TEX10: variants seen among roughly 807,000 people sequenced by gnomAD.
TEX10 encodes the protein testis expressed 10, also known as testis-expressed protein 10.
TEX10 carries 24 observed loss-of-function variants against 104.4 expected under a neutral mutation model. That is an observed-to-expected ratio of 0.23 (90% confidence interval 0.17 to 0.32). TEX10 has a LOEUF of 0.32. Among genes scored for constraint, TEX10 ranks in the 10% least tolerant of loss-of-function variants. The probability of loss-of-function intolerance (pLI) is 1.00; values close to 1 mark genes in which losing one functional copy is unlikely to be tolerated. For synonymous variants in TEX10, 396 were observed against 393.4 expected, an observed-to-expected ratio of 1.01 and a Z score of -0.08; for missense variants, 921 against 1,083.9, an observed-to-expected ratio of 0.85 and a Z score of 2.11.
At chr9:100,315,229 C>G (rs1834386786) in intron 11 of TEX10, among the ~76,000 whole-genome samples, 1 of 152,066 alleles carries the variant, frequency 6.6e-6, no homozygotes, top group Admixed American at 6.6e-5. Context: ...AATGTATATT[C>G]TGCAGTTTGT....
chr9:100,307,168 G>A (rs1301696088), intron 13 of TEX10: 4 of 152,176 alleles, frequency 2.6e-5, no homozygotes, highest in Non-Finnish European at 4.4e-5. Context: ...AAATTTGAAT[G>A]CTGACAATAA....
chr9:100,328,824 G>A (rs367709452), intron 7 of TEX10, among the ~76,000 whole-genome samples: 1 of 152,138 alleles, frequency 6.6e-6, no homozygotes, highest in Non-Finnish European at 1.5e-5. Flanking sequence ...CTAATGGCTA[G>A]AGATTCAACC....
chr9:100,338,500 C>T (rs1209324491), intron 5 of TEX10, among the ~76,000 whole-genome samples: 2 of 152,194 alleles, frequency 1.3e-5, no homozygotes, highest in African/African-American at 4.8e-5. Context: ...CCCAGTTCTA[C>T]AAGTAGTATC....
intron 11 of TEX10, among the ~76,000 whole-genome samples, chr9:100,312,401 G>A (rs1339482726): frequency 6.6e-6 from 1 of 152,092 alleles, no homozygotes; most frequent in Non-Finnish European, 1.5e-5. Flanking sequence ...CAGAGAAGCT[G>A]ATCAAGTAAA....
chr9:100,336,410 A>AT (rs1835010603), intron 5 of TEX10, among the ~76,000 whole-genome samples: 1 of 152,148 alleles, frequency 6.6e-6, no homozygotes, highest in African/African-American at 2.4e-5. Context: ...GCCTCCTGTC[A>AT]TATCAGTAGT....
chr9:100,324,637 C>A (rs932233500), intron 9 of TEX10, among the ~76,000 whole-genome samples: 7 of 151,978 alleles, frequency 4.6e-5, no homozygotes, highest in Non-Finnish European at 1.0e-4. Context: ...AGCAAAAAAA[C>A]CCCAAGATTT....
chr9:100,351,150 T>C (rs753090092), intron 1 of TEX10, among the ~76,000 whole-genome samples: 48 of 151,944 alleles, frequency 3.2e-4, no homozygotes, highest in Non-Finnish European at 6.2e-4. Context: ...CTAAACCCAT[T>C]TTAACAATGT....
At chr9:100,320,745 G>A (rs1366319719) in intron 10 of TEX10, among the ~76,000 whole-genome samples, 1 of 152,198 alleles carries the variant, frequency 6.6e-6, no homozygotes, top group Admixed American at 6.5e-5. Flanking sequence ...AGTAAAAGCA[G>A]TAATATACTC....
At chr9:100,323,065 C>A (rs916925401) in intron 9 of TEX10, among the ~76,000 whole-genome samples, 6 of 152,064 alleles carry the variant, frequency 3.9e-5, no homozygotes, top group Non-Finnish European at 8.8e-5. Context: ...CAAAGAAGTA[C>A]AAAATAGTGG....
intron 13 of TEX10, among the ~76,000 whole-genome samples, chr9:100,308,072 C>A (rs892625361): frequency 3.3e-5 from 5 of 152,192 alleles, no homozygotes; most frequent in Admixed American, 1.3e-4. Flanking sequence ...ATTAAAAGCA[C>A]TAGCATCTTA....
At chr9:100,310,231 T>G in intron 12 of TEX10, 68 bp downstream of exon 12, 1 of 1,296,972 alleles carries the variant, frequency 7.7e-7, no homozygotes, top group Non-Finnish European at 1.1e-6. Flanking sequence ...TCTGGGGCTG[T>G]GGAAAACTCT....
At chr9:100,322,853 T>G (rs942912031) in intron 9 of TEX10, among the ~76,000 whole-genome samples, 1 of 152,118 alleles carries the variant, frequency 6.6e-6, no homozygotes, top group African/African-American at 2.4e-5. Context: ...TGACCTCAGG[T>G]GATCCACCTG....
chr9:100,346,590 A>G, intron 3 of TEX10, 104 bp downstream of exon 3: 1 of 1,253,246 alleles, frequency 8.0e-7, no homozygotes, highest in Non-Finnish European at 1.1e-6. Context: ...CTATATGAAA[A>G]CTATGAAAGA....
intron 11 of TEX10, among the ~76,000 whole-genome samples, chr9:100,311,702 C>T (rs1030608678): frequency 1.3e-5 from 2 of 151,986 alleles, no homozygotes; most frequent in Non-Finnish European, 2.9e-5. Context: ...AAGTAAAACC[C>T]CTAGTATTTT....
intron 14 of TEX10, 124 bp downstream of exon 14, chr9:100,303,508 G>C (rs1190190508): frequency 5.7e-6 from 6 of 1,058,594 alleles, no homozygotes; most frequent in Non-Finnish European, 8.6e-6. Context: ...ACCATATTGG[G>C]ATTAATTCCT....
At chr9:100,346,382 A>C in intron 3 of TEX10, 67 bp from the exon 4 acceptor site, 2 of 1,489,006 alleles carry the variant, frequency 1.3e-6, no homozygotes, top group South Asian at 1.4e-5. Flanking sequence ...GCTAATTTAA[A>C]TCTTAAATAT....
intron 4 of TEX10, among the ~76,000 whole-genome samples, chr9:100,340,586 G>T (rs1046743217): frequency 5.3e-5 from 8 of 152,124 alleles, no homozygotes; most frequent in African/African-American, 1.4e-4. Flanking sequence ...CTATTTACTT[G>T]CATTCTGTCT....
chr9:100,329,755 A>G (rs752797054), intron 6 of TEX10, among the ~76,000 whole-genome samples, 176 bp downstream of exon 6: 7 of 152,108 alleles, frequency 4.6e-5, no homozygotes, highest in Non-Finnish European at 8.8e-5. Flanking sequence ...CCACTTAGAG[A>G]TACTCTGAGC....
At chr9:100,318,226 A>G (rs1051815240) in intron 11 of TEX10, among the ~76,000 whole-genome samples, 1 of 152,254 alleles carries the variant, frequency 6.6e-6, no homozygotes. Context: ...ATGTTCACCA[A>G]CGTATGCGTG....
Sources: gnomAD v4.1 joint callset for allele counts (sites outside exome capture counted in the v4.1 genomes callset) on GRCh38, gnomAD v4.1.1 for gene constraint, MANE v1.5 for transcripts, NCBI Gene and HGNC (gene_info 2026-07-23, HGNC 2026-07-21) for gene names.